The following SERGEF variants were observed in gnomAD, a reference collection of about 807,000 sequenced individuals.
SERGEF encodes secretion-regulating guanine nucleotide exchange factor.
In SERGEF, 51 loss-of-function variants were observed where a neutral mutation model predicts 50.0. That is an observed-to-expected ratio of 1.02 (90% confidence interval 0.81 to 1.29). SERGEF has a LOEUF of 1.29. SERGEF is among the 50% of genes most tolerant of loss of function. The probability of loss-of-function intolerance (pLI) is 0.00; values close to 1 mark genes in which losing one functional copy is unlikely to be tolerated. For missense variants in SERGEF, 521 were observed against 557.0 expected (o/e 0.94, Z 0.65); for synonymous variants, 205 against 212.4 (o/e 0.97, Z 0.30).
At chr11:17,932,421 G>A (rs1183610483) in intron 9 of SERGEF, among the ~76,000 whole-genome samples, 4 of 152,160 alleles carry the variant, frequency 2.6e-5, no homozygotes, top group Non-Finnish European at 4.4e-5. Context: ...AGGATGGCAA[G>A]TAAGAAGGAA....
At chr11:17,973,197 C>T (rs1853288576) in intron 8 of SERGEF, among the ~76,000 whole-genome samples, 1 of 152,134 alleles carries the variant, frequency 6.6e-6, no homozygotes, top group African/African-American at 2.4e-5. Flanking sequence ...TGCTTGAGTT[C>T]CCTTGGTAAA....
intron 10 of SERGEF, among the ~76,000 whole-genome samples, chr11:17,864,880 C>T (rs1247694968): frequency 6.6e-6 from 1 of 152,160 alleles, no homozygotes; most frequent in East Asian, 1.9e-4. Flanking sequence ...CTTAGGACTG[C>T]TCTCGTAGCA....
At position 17,991,027 on chromosome 11, in the gene SERGEF, G is replaced by A. The variant is rs1464310899; in HGVS notation, c.685+1904C>T. On this transcript the variant is annotated intron_variant, in intron 7 of 10. Transcript: ENST00000265965. This position sits in a 1 kb window ranked among gnomAD's most constrained non-coding sequence, Gnocchi z 4.9. ...GCTGGTCTTGAACTCCTGACCTCAA[G>A]TATTCCATCTGCCTCAGCCTCCAAA... Among the ~76,000 whole-genome samples the A allele has an allele frequency of 5.9e-5, 9 of 152,062 alleles. No individual in the cohort carries two copies. Among genetic ancestry groups the A allele is most frequent in the Admixed American group, 5.2e-4 (8 of 15,268 alleles).
chr11:17,941,159 T>C (rs1212190048), intron 9 of SERGEF, among the ~76,000 whole-genome samples: 2 of 152,250 alleles, frequency 1.3e-5, no homozygotes, highest in Non-Finnish European at 2.9e-5. Flanking sequence ...AAATAAGTTG[T>C]AGATACAAGT....
chr11:17,828,326 A>G (rs763375617), intron 10 of SERGEF, among the ~76,000 whole-genome samples: 2 of 152,198 alleles, frequency 1.3e-5, no homozygotes, highest in African/African-American at 2.4e-5. Context: ...GCCGGTACGC[A>G]TTCATGTGAG....
chr11:17,949,289 C>T (rs1428489540), intron 9 of SERGEF, among the ~76,000 whole-genome samples: 1 of 152,050 alleles, frequency 6.6e-6, no homozygotes, highest in Non-Finnish European at 1.5e-5. Context: ...CTACAGGGCT[C>T]GCTCCTAAGG....
chr11:17,826,920 T>TG (rs1485369824), intron 10 of SERGEF, among the ~76,000 whole-genome samples: 1 of 45,908 alleles, frequency 2.2e-5, no homozygotes, highest in African/African-American at 8.2e-5. Context: ...AGCAGGGCCC[T>TG]GCAAGGCATT....
Position 17,884,065 on chromosome 11 carries a change from C to T in SERGEF, c.1012-5821G>A, listed in dbSNP as rs1417029103. 6.6e-6 allele frequency among the ~76,000 whole-genome samples: 1 copy of T among 152,170 alleles called. No individual in the cohort carries two copies. The highest frequency in any genetic ancestry group is 1.5e-5 in the Non-Finnish European group (1 of 68,016). On this transcript the variant is annotated intron_variant, in intron 9 of 10. Transcript: ENST00000265965. The surrounding 1 kb of genome is among the most constrained non-coding windows in gnomAD (Gnocchi z 4.6). ...CAGCCCCACGCCACCAGCCAGGGGC[C>T]GCTTTCCTCTACCAGAGAGGGGTAG...
chr11:17,813,062 G>C (rs1216598266), intron 10 of SERGEF, among the ~76,000 whole-genome samples: 1 of 152,170 alleles, frequency 6.6e-6, no homozygotes, highest in Admixed American at 6.5e-5. Flanking sequence ...AAACAAGCTA[G>C]ACTAAGGATC....
chr11:18,010,525 G>GA (rs1455852249), intron 1 of SERGEF, among the ~76,000 whole-genome samples: 1 of 151,938 alleles, frequency 6.6e-6, no homozygotes, highest in Non-Finnish European at 1.5e-5. Flanking sequence ...GTGTCTCTTA[G>GA]AAAAAATAAA....
At position 17,959,623 on chromosome 11, in the gene SERGEF, C is replaced by T. The variant is rs572509661; in HGVS notation, c.858G>A (p.Met286Ile). Residue 286 changes from methionine to isoleucine, a missense_variant, in exon 9 of 11, where the codon ATG becomes ATA. Transcript: ENST00000265965. ...CATAGTCTGCTCGGCCCCAGGTAAA[C>T]ATCTTGCCAGTTTCTAAAAACAAAT... ...HLVAQTETGK[M>I]FTWGRADYGQ... 4.0e-4 allele frequency: 638 copies of T among 1,611,066 alleles called. 4 individuals carry two copies. The South Asian group carries it at 6.7e-3, about 17-fold the overall frequency.
intron 9 of SERGEF, among the ~76,000 whole-genome samples, chr11:17,910,189 A>ACTCTCTCTCT: frequency 1.1e-5 from 1 of 90,714 alleles, no homozygotes; most frequent in East Asian, 2.4e-4. Context: ...ACACACACAC[A>ACTCTCTCTCT]CACACTCTCT....
chr11:17,823,220 G>T (rs921279185), intron 10 of SERGEF, among the ~76,000 whole-genome samples: 4 of 152,188 alleles, frequency 2.6e-5, no homozygotes, highest in Non-Finnish European at 4.4e-5. Flanking sequence ...TAGTTAGACT[G>T]GGATTATGGG....
intron 9 of SERGEF, among the ~76,000 whole-genome samples, chr11:17,956,800 G>A (rs1852881984): frequency 1.3e-5 from 2 of 152,140 alleles, no homozygotes; most frequent in Non-Finnish European, 2.9e-5. Context: ...GGAAACATCA[G>A]CCTAGTCCAA....
chr11:18,012,449 A>G, intron 1 of SERGEF: 1 of 1,029,586 alleles, frequency 9.7e-7, no homozygotes, highest in Non-Finnish European at 1.2e-6. Flanking sequence ...GCAGAGTGTC[A>G]GCAAATAGGC....
intron 8 of SERGEF, among the ~76,000 whole-genome samples, chr11:17,986,453 A>T (rs1423481812): frequency 6.6e-6 from 1 of 152,240 alleles, no homozygotes; most frequent in African/African-American, 2.4e-5. Context: ...CTGAAACGTT[A>T]CCAAAAAATC....
rs1853107983 is a variant in SERGEF, at chr11:17,965,747, C to G, written c.845-6111G>C. On this transcript the variant is annotated intron_variant, in intron 8 of 10. Transcript: ENST00000265965. ...AATAAATATCTGCTGCCTGAATGAA[C>G]AATAGAATAAATGAATCCAACCACC... Among the ~76,000 whole-genome samples, 6 of 152,258 alleles carry G rather than the reference C, an allele frequency of 3.9e-5. No homozygotes were observed. The South Asian group carries it at 1.2e-3, about 32-fold the overall frequency.
At chr11:17,842,234 C>T (rs915002169) in intron 10 of SERGEF, among the ~76,000 whole-genome samples, 9 of 152,172 alleles carry the variant, frequency 5.9e-5, no homozygotes, top group East Asian at 5.8e-4. Context: ...AATAATACAC[C>T]GCAGCTATTC....
Position 18,007,995 on chromosome 11 carries a change from G to C in SERGEF, c.142C>G (p.Pro48Ala). The C allele has an allele frequency of 6.2e-7, 1 of 1,613,938 alleles. No individual in the cohort carries two copies. ...CCTGTGATCCTCCTGACACTCCTGG[G>C]TTTACAGAAGTCATTCAGTTGCTGG... ...LPQQLNDFCKPRSVRRITGGG... is the reference protein window; with the variant it reads ...LPQQLNDFCKARSVRRITGGG... The change falls in exon 2 of 11, where the codon CCC becomes GCC. Residue 48 changes from proline (P) to alanine (A), a missense_variant. By Grantham distance (27) the Pro-to-Ala change is conservative. Coordinates refer to ENST00000265965, the MANE Select transcript of SERGEF (RefSeq NM_012139.4).
Sources: allele counts gnomAD v4.1 joint callset (sites outside exome capture counted in the v4.1 genomes callset), GRCh38; gene constraint gnomAD v4.1.1; non-coding constraint Gnocchi (gnomAD v3.1); transcripts MANE v1.5; gene names NCBI Gene and HGNC (gene_info 2026-07-23, HGNC 2026-07-21).